The following CTNND2 variants were observed in gnomAD, a reference collection of about 807,000 sequenced individuals.
CTNND2 encodes catenin delta-2.
Under a neutral mutation model 144.4 loss-of-function variants are expected in CTNND2, and 22 were observed. That is an observed-to-expected ratio of 0.15 (90% confidence interval 0.11 to 0.22). CTNND2 has a LOEUF of 0.22. Ranked by LOEUF, CTNND2 falls within the 10% of genes least tolerant of loss-of-function variation. The pLI is 1.00. For synonymous variants in CTNND2, 751 were observed against 695.6 expected (o/e 1.08, Z -1.25); for missense variants, 1,353 against 1,618.8 (o/e 0.84, Z 2.82).
chr5:11,585,874 T>C (rs1778822032), intron 2 of CTNND2, among the ~76,000 whole-genome samples: 1 of 152,182 alleles, frequency 6.6e-6, no homozygotes, highest in Non-Finnish European at 1.5e-5. Flanking sequence ...AGGACGGTGC[T>C]TCATGCAAAG....
intron 1 of CTNND2, among the ~76,000 whole-genome samples, chr5:11,817,899 T>C (rs1413606542): frequency 6.7e-6 from 1 of 150,246 alleles, no homozygotes; most frequent in Non-Finnish European, 1.5e-5. Flanking sequence ...AAATGGCAGA[T>C]ACAGACTCAA....
chr5:11,744,119 C>T (rs767222779), intron 1 of CTNND2, among the ~76,000 whole-genome samples: 7 of 152,206 alleles, frequency 4.6e-5, no homozygotes, highest in South Asian at 4.1e-4. Context: ...CCTTTGGCTA[C>T]GTTCCGAATG....
intron 16 of CTNND2, among the ~76,000 whole-genome samples, chr5:11,051,136 T>C (rs1745785982): frequency 6.6e-6 from 1 of 152,224 alleles, no homozygotes; most frequent in African/African-American, 2.4e-5. Context: ...TGCTAGTGAA[T>C]TTCCTTCTCA....
chr5:11,175,895 A>T (rs1760436608), intron 11 of CTNND2, among the ~76,000 whole-genome samples: 1 of 152,156 alleles, frequency 6.6e-6, no homozygotes. Context: ...GGTGCCAGCA[A>T]TCATTCTCAT....
At chr5:11,649,072 A>G (rs1782512046) in intron 2 of CTNND2, among the ~76,000 whole-genome samples, 1 of 152,158 alleles carries the variant, frequency 6.6e-6, no homozygotes, top group African/African-American at 2.4e-5. Flanking sequence ...TCCAAATATT[A>G]ATTTAAAAAG....
chr5:11,307,082 T>A (rs1385976893), intron 9 of CTNND2, among the ~76,000 whole-genome samples: 2 of 151,072 alleles, frequency 1.3e-5, no homozygotes, highest in African/African-American at 2.4e-5. Flanking sequence ...GAGGCTACTT[T>A]GCTCAAAGTG....
intron 9 of CTNND2, among the ~76,000 whole-genome samples, chr5:11,294,031 G>A (rs567450866): frequency 9.2e-5 from 14 of 151,574 alleles, no homozygotes; most frequent in East Asian, 2.0e-4. Context: ...GACATTTTGC[G>A]TAATTATAGT....
At chr5:11,350,365 AT>A (rs1280858767) in intron 8 of CTNND2, among the ~76,000 whole-genome samples, 4 of 151,800 alleles carry the variant, frequency 2.6e-5, no homozygotes, top group Non-Finnish European at 5.9e-5. Context: ...AAAATAAAAA[AT>A]ATATATATAA....
At chr5:11,336,580 G>A (rs750218181) in intron 9 of CTNND2, among the ~76,000 whole-genome samples, 12 of 152,094 alleles carry the variant, frequency 7.9e-5, no homozygotes, top group Non-Finnish European at 1.3e-4. Flanking sequence ...ACAAACATGT[G>A]CTTATGCAAG....
intron 11 of CTNND2, among the ~76,000 whole-genome samples, chr5:11,169,115 C>T (rs1413482767): frequency 2.0e-5 from 3 of 152,204 alleles, no homozygotes; most frequent in Non-Finnish European, 4.4e-5. Flanking sequence ...ACCCTCCCCT[C>T]ACTGTGCTAC....
Position 11,293,893 on chromosome 5 carries a change from T to C in CTNND2, c.1628+52479A>G, listed in dbSNP as rs561637711. ...TTGTGAGTTGTGAGTTTTACTAAAT[T>C]ATGCCTGTGTATTGGAAGCAATAAT... On this transcript the variant is annotated intron_variant, in intron 9 of 21. Transcript: ENST00000304623. 1.2e-4 allele frequency among the ~76,000 whole-genome samples: 18 copies of C among 150,658 alleles called. No individual in the cohort carries two copies. The South Asian group carries it at 2.3e-3, about 19-fold the overall frequency.
chr5:11,293,388 G>A (rs551481193), intron 9 of CTNND2, among the ~76,000 whole-genome samples: 29 of 152,160 alleles, frequency 1.9e-4, no homozygotes, highest in African/African-American at 6.7e-4. Context: ...TTCATTTTAG[G>A]TGAGATTGTG....
At chr5:11,559,576 ATATCTTGCC>A (rs1202806633) in intron 3 of CTNND2, among the ~76,000 whole-genome samples, 1 of 152,168 alleles carries the variant, frequency 6.6e-6, no homozygotes, top group Non-Finnish European at 1.5e-5. Flanking sequence ...CCATGCTATG[ATATCTTGCC>A]TGCTTGCCCA....
intron 11 of CTNND2, among the ~76,000 whole-genome samples, chr5:11,164,268 A>C (rs1168432539): frequency 6.6e-6 from 1 of 152,226 alleles, no homozygotes; most frequent in East Asian, 1.9e-4. Flanking sequence ...CATGAAAAGT[A>C]ACATTTACAG....
intron 2 of CTNND2, among the ~76,000 whole-genome samples, chr5:11,595,171 C>T (rs1485969111): frequency 6.6e-6 from 1 of 152,016 alleles, no homozygotes; most frequent in Non-Finnish European, 1.5e-5. Flanking sequence ...AAATGGATTG[C>T]AGGAGGTGGT....
intron 1 of CTNND2, among the ~76,000 whole-genome samples, chr5:11,847,693 T>C (rs1794813274): frequency 6.6e-6 from 1 of 152,134 alleles, no homozygotes; most frequent in Non-Finnish European, 1.5e-5. Context: ...CCCTGCTTTG[T>C]TCATTATACT....
intron 3 of CTNND2, among the ~76,000 whole-genome samples, chr5:11,465,766 T>C (rs181352488): frequency 3.3e-5 from 5 of 152,334 alleles, no homozygotes; most frequent in African/African-American, 1.2e-4. Flanking sequence ...GGCAGAAAGA[T>C]GACCAACTCC....
In CTNND2 at chr5:11,904,211, C is replaced by A. The variant is rs940454938; in HGVS notation, c.-358G>T. On this transcript the variant is annotated 5_prime_UTR_variant, in exon 1 of 22. Transcript: ENST00000304623. The surrounding 1 kb of genome is among the most constrained non-coding windows in gnomAD (Gnocchi z 4.2). ...CGCCGCGCCCGCAGCTCCGCTCAGC[C>A]GGCTGTCGCCGCGGGCGCGAGCCTG... Among the ~76,000 whole-genome samples, 2 of 145,588 alleles carry A rather than the reference C, an allele frequency of 1.4e-5. No homozygotes were observed. The highest frequency in any genetic ancestry group is 4.9e-5 in the African/African-American group (2 of 40,690).
intron 16 of CTNND2, among the ~76,000 whole-genome samples, chr5:11,054,521 C>T (rs770397997): frequency 2.6e-5 from 4 of 152,092 alleles, no homozygotes; most frequent in East Asian, 1.9e-4. Flanking sequence ...CCCTGCAAGC[C>T]CCAACTTGTA....
Sources: gnomAD v4.1 joint callset for allele counts (sites outside exome capture counted in the v4.1 genomes callset) on GRCh38, gnomAD v4.1.1 for gene constraint, Gnocchi (gnomAD v3.1) non-coding constraint, MANE v1.5 for transcripts, NCBI Gene and HGNC (gene_info 2026-07-23, HGNC 2026-07-21) for gene names.